SHB: variants seen among roughly 807,000 people sequenced by gnomAD.
SHB encodes SH2 domain-containing adapter protein B.
Under a neutral mutation model 52.3 loss-of-function variants are expected in SHB, and 20 were observed. The ratio of observed to expected loss-of-function variants is 0.38; its 90% CI spans 0.27 to 0.56. The LOEUF (loss-of-function observed/expected upper bound fraction) is 0.56. SHB is among the 20% of genes least tolerant of loss of function. The pLI is 0.71. For missense variants in SHB, 825 were observed against 723.3 expected (o/e 1.14, Z -1.61); for synonymous variants, 397 against 316.5 (o/e 1.25, Z -2.70).
At chr9:37,955,500 C>G (rs1380473699) in intron 4 of SHB, among the ~76,000 whole-genome samples, 2 of 152,026 alleles carry the variant, frequency 1.3e-5, no homozygotes, top group Non-Finnish European at 2.9e-5. Context: ...TTTTTTGAGA[C>G]AGGGTCTCGC....
rs74456446 is a variant in SHB at position 37,974,960 on chromosome 9, G to A, written c.839-123C>T. ...GGGAGGTGAGAACGACAGAGAGACA[G>A]ACCCCTGTCTGGGTTTTACCCACCC... On this transcript the variant is annotated intron_variant, in intron 2 of 5. Coordinates refer to ENST00000377707, the MANE Select transcript of SHB (RefSeq NM_003028.3). The A allele has an allele frequency of 2.3e-3, 1,892 of 830,670 alleles. 28 individuals carry two copies. In the African/African-American group the frequency reaches 0.03, roughly 13 times the overall value. The allele number at this position is 830,670 out of a possible 1,614,324, so 51.5% of individuals were successfully genotyped here.
intron 3 of SHB, among the ~76,000 whole-genome samples, chr9:37,961,418 C>T (rs922829260): frequency 3.3e-5 from 5 of 152,134 alleles, no homozygotes; most frequent in Non-Finnish European, 7.4e-5. Flanking sequence ...TCCAAAAAGC[C>T]GATGGACCTC....
chr9:37,995,021 T>C (rs1423220673), intron 2 of SHB, among the ~76,000 whole-genome samples: 2 of 152,148 alleles, frequency 1.3e-5, no homozygotes, highest in Admixed American at 1.3e-4. Context: ...TCATTAAGTA[T>C]ATCATCTGCT....
chr9:38,006,687 G>A (rs567720831), intron 2 of SHB, among the ~76,000 whole-genome samples: 4 of 152,186 alleles, frequency 2.6e-5, no homozygotes, highest in Admixed American at 6.5e-5. Flanking sequence ...CTGAGCCCTC[G>A]CTGACAAACG....
At chr9:37,999,040 A>G (rs4878731) in intron 2 of SHB, among the ~76,000 whole-genome samples, 64,920 of 152,064 alleles carry the variant, frequency 0.43, 14,259 homozygotes, top group Middle Eastern at 0.51. Flanking sequence ...AGCCCTGGGG[A>G]GCCCCTCAGT....
intron 2 of SHB, among the ~76,000 whole-genome samples, chr9:38,003,455 C>T (rs1032823205): frequency 2.0e-4 from 31 of 152,146 alleles, no homozygotes; most frequent in Admixed American, 5.9e-4. Context: ...CGCGGCTCCC[C>T]GTCCCACGAG....
chr9:38,014,031 G>A (rs968682096), intron 2 of SHB, among the ~76,000 whole-genome samples: 1 of 152,136 alleles, frequency 6.6e-6, no homozygotes, highest in Non-Finnish European at 1.5e-5. Context: ...ATGTCTAGGT[G>A]CCCCAGCATC....
intron 4 of SHB, among the ~76,000 whole-genome samples, chr9:37,951,741 T>C (rs1387117119): frequency 2.0e-5 from 3 of 152,204 alleles, no homozygotes; most frequent in African/African-American, 7.2e-5. Context: ...TACCAGTCCC[T>C]TCCCCAACTG....
Position 37,954,009 on chromosome 9 carries a change from G to C in SHB, c.1226+1874C>G, listed in dbSNP as rs1251997777. Reference sequence around the variant, plus strand: ...CACCTTGAGATGAAGGCTGAGTCTGGGGGTGGGAGTGGGCAGGCTGGGCCC... The same window carrying C: ...CACCTTGAGATGAAGGCTGAGTCTGCGGGTGGGAGTGGGCAGGCTGGGCCC... On this transcript the variant is annotated intron_variant, in intron 4 of 5. Transcript: ENST00000377707. Among the ~76,000 whole-genome samples, 3 of 152,210 alleles carry C rather than the reference G, an allele frequency of 2.0e-5. No homozygotes were observed. The East Asian group carries it at 5.8e-4, about 29-fold the overall frequency.
intron 1 of SHB, among the ~76,000 whole-genome samples, chr9:38,025,248 T>C (rs1049392794): frequency 6.6e-6 from 1 of 152,174 alleles, no homozygotes; most frequent in Non-Finnish European, 1.5e-5. Context: ...TGGGTCCCCA[T>C]GGAGCCACTG....
At chr9:37,955,683 TCTCA>T (rs1832622118) in intron 4 of SHB, among the ~76,000 whole-genome samples, 196 bp downstream of exon 4, 2 of 152,112 alleles carry the variant, frequency 1.3e-5, no homozygotes, top group East Asian at 1.9e-4. Context: ...AGAGACAGGC[TCTCA>T]CTATGTTGTC....
At chr9:38,027,716 G>T (rs911523712) in intron 1 of SHB, among the ~76,000 whole-genome samples, 1 of 151,708 alleles carries the variant, frequency 6.6e-6, no homozygotes, top group African/African-American at 2.4e-5. Flanking sequence ...GAGGGAGCTG[G>T]GGGTCAGGCA....
At chr9:38,037,592 G>A (rs1298308610) in intron 1 of SHB, among the ~76,000 whole-genome samples, 1 of 152,208 alleles carries the variant, frequency 6.6e-6, no homozygotes, top group African/African-American at 2.4e-5. Context: ...TCACTATAAA[G>A]TGGGGATAGT....
chr9:37,953,940 C>T (rs982679458), intron 4 of SHB, among the ~76,000 whole-genome samples: 3 of 152,036 alleles, frequency 2.0e-5, no homozygotes, highest in African/African-American at 7.2e-5. Context: ...TGGCTGGGGG[C>T]CCCATCAAGT....
chr9:37,975,897 C>G (rs549326631), intron 2 of SHB, among the ~76,000 whole-genome samples: 1 of 152,170 alleles, frequency 6.6e-6, no homozygotes, highest in Admixed American at 6.5e-5. Context: ...TCAGCTCTGA[C>G]AAGTGGAAGC....
chr9:38,001,013 C>T (rs1386451771), intron 2 of SHB, among the ~76,000 whole-genome samples: 1 of 152,218 alleles, frequency 6.6e-6, no homozygotes, highest in Non-Finnish European at 1.5e-5. Flanking sequence ...CAGGGATGTG[C>T]TTGGTATGTA....
intron 1 of SHB, among the ~76,000 whole-genome samples, chr9:38,025,937 C>T (rs1477357830): frequency 3.3e-5 from 5 of 152,226 alleles, no homozygotes. Context: ...CAGGAGAGGA[C>T]CTATGTCATC....
At chr9:37,980,034 G>A (rs1181635185) in intron 2 of SHB, among the ~76,000 whole-genome samples, 4 of 152,064 alleles carry the variant, frequency 2.6e-5, no homozygotes, top group East Asian at 1.9e-4. Flanking sequence ...TGATGTTGCC[G>A]GCTGCCGACT....
intron 2 of SHB, among the ~76,000 whole-genome samples, chr9:38,008,399 G>A (rs1276304677): frequency 4.6e-5 from 7 of 152,228 alleles, no homozygotes; most frequent in Admixed American, 4.6e-4. Context: ...AAGTCATCAG[G>A]TGACTAATAT....
Sources: allele counts gnomAD v4.1 joint callset (sites outside exome capture counted in the v4.1 genomes callset), GRCh38; gene constraint gnomAD v4.1.1; transcripts MANE v1.5; gene names NCBI Gene and HGNC (gene_info 2026-07-23, HGNC 2026-07-21).